The following YPEL2 variants were observed in gnomAD, a reference collection of about 807,000 sequenced individuals.
The protein encoded by YPEL2 is yippee like 2, also known as protein yippee-like 2.
Under a neutral mutation model 19.1 loss-of-function variants are expected in YPEL2, and 2 were observed. The observed-to-expected ratio is 0.10, with a 90% confidence interval of 0.04 to 0.33. The LOEUF (loss-of-function observed/expected upper bound fraction) is 0.33. YPEL2 is among the 10% of genes least tolerant of loss of function. The pLI, the probability that YPEL2 is intolerant of heterozygous loss-of-function variation, is 1.00. For synonymous variants in YPEL2, 52 were observed against 50.0 expected (o/e 1.04, Z -0.17); for missense variants, 66 against 140.7 (o/e 0.47, Z 2.68).
chr17:59,386,645 G>A (rs144065227), intron 2 of YPEL2, among the ~76,000 whole-genome samples: 44 of 152,272 alleles, frequency 2.9e-4, no homozygotes, highest in Admixed American at 8.5e-4. Flanking sequence ...TGGTGTTTGT[G>A]CTCCAGGATT....
At chr17:59,375,801 C>T (rs985624121) in intron 2 of YPEL2, among the ~76,000 whole-genome samples, 1 of 152,184 alleles carries the variant, frequency 6.6e-6, no homozygotes, top group African/African-American at 2.4e-5. Context: ...GGAATCAGAG[C>T]AGAGAAATTT....
chr17:59,371,140 C>T (rs922431489), intron 2 of YPEL2, among the ~76,000 whole-genome samples: 1 of 152,144 alleles, frequency 6.6e-6, no homozygotes, highest in Non-Finnish European at 1.5e-5. Context: ...CCCCAAATAC[C>T]CAGTCTCCTG....
At chr17:59,372,360 T>A (rs893049034) in intron 2 of YPEL2, among the ~76,000 whole-genome samples, 10 of 152,156 alleles carry the variant, frequency 6.6e-5, no homozygotes, top group African/African-American at 2.4e-4. Context: ...CTCCTCTGTT[T>A]CCATGATGCT....
At chr17:59,396,378 T>C (rs2048039387) in intron 4 of YPEL2, among the ~76,000 whole-genome samples, 1 of 152,074 alleles carries the variant, frequency 6.6e-6, no homozygotes, top group South Asian at 2.1e-4. Context: ...ATAAACAAAA[T>C]AGAAATGCAA....
At chr17:59,358,663 A>G (rs1442962564) in intron 2 of YPEL2, among the ~76,000 whole-genome samples, 1 of 151,884 alleles carries the variant, frequency 6.6e-6, no homozygotes, top group African/African-American at 2.4e-5. Context: ...AGGCTGGAGT[A>G]CAGTGGCACA....
At chr17:59,387,419 C>G (rs1441722672) in intron 2 of YPEL2, among the ~76,000 whole-genome samples, 1 of 151,986 alleles carries the variant, frequency 6.6e-6, no homozygotes, top group Non-Finnish European at 1.5e-5. Context: ...CACTCATCTC[C>G]TTGTTTGTTG....
At chr17:59,384,185 T>C (rs1457183730) in intron 2 of YPEL2, among the ~76,000 whole-genome samples, 1 of 152,162 alleles carries the variant, frequency 6.6e-6, no homozygotes, top group Non-Finnish European at 1.5e-5. Context: ...AGTTTATCAG[T>C]TTTTTTCTCT....
chr17:59,388,191 G>A, intron 2 of YPEL2, 136 bp from the exon 3 acceptor site: 3 of 829,120 alleles, frequency 3.6e-6, no homozygotes, highest in Non-Finnish European at 6.3e-6. Context: ...TCTGCCAGCG[G>A]GACCGTTAAC....
At chr17:59,384,367 A>C (rs1055201712) in intron 2 of YPEL2, among the ~76,000 whole-genome samples, 2 of 152,238 alleles carry the variant, frequency 1.3e-5, no homozygotes, top group African/African-American at 4.8e-5. Flanking sequence ...CAGGTACTTT[A>C]CCATAAGTGA....
intron 2 of YPEL2, among the ~76,000 whole-genome samples, chr17:59,387,345 G>T (rs538287982): frequency 6.6e-6 from 1 of 150,544 alleles, no homozygotes; most frequent in Non-Finnish European, 1.5e-5. Flanking sequence ...TGACAAAAAT[G>T]ATTGTCTCGC....
rs143438600 is a variant in YPEL2 at position 59,397,522 on chromosome 17, G to C, written c.*332G>C. On this transcript the variant is annotated 3_prime_UTR_variant, in exon 5 of 5. Coordinates refer to ENST00000312655, the MANE Select transcript of YPEL2 (RefSeq NM_001005404.4). ...CCCAGGGCCCATGCGAGAGCTGCCTGATGGCCTCTTGTCAGGAGAGCAGTG... is the reference window on the plus strand; with the variant it reads ...CCCAGGGCCCATGCGAGAGCTGCCTCATGGCCTCTTGTCAGGAGAGCAGTG... The C allele has an allele frequency of 6.4e-4, 122 of 192,108 alleles. No individual in the cohort carries two copies. The East Asian group carries it at 0.015, about 23-fold the overall frequency. 11.9% of individuals were successfully genotyped at this position (192,108 alleles called of 1,614,324 possible).
intron 2 of YPEL2, among the ~76,000 whole-genome samples, chr17:59,370,985 A>G (rs2047894432): frequency 6.6e-6 from 1 of 151,802 alleles, no homozygotes; most frequent in Non-Finnish European, 1.5e-5. Context: ...GTGTGCCCCC[A>G]CCTTACTAGA....
At chr17:59,374,282 A>G (rs567630783) in intron 2 of YPEL2, among the ~76,000 whole-genome samples, 1 of 152,332 alleles carries the variant, frequency 6.6e-6, no homozygotes, top group South Asian at 2.1e-4. Context: ...CAAGCACCCT[A>G]TGCTCAAATC....
At chr17:59,339,725 C>T (rs1172452743) in intron 1 of YPEL2, among the ~76,000 whole-genome samples, 1 of 151,982 alleles carries the variant, frequency 6.6e-6, no homozygotes, top group African/African-American at 2.4e-5. Context: ...TGGTTTTGGT[C>T]CTCTCTAATT....
At chr17:59,363,504 C>T (rs530084150) in intron 2 of YPEL2, among the ~76,000 whole-genome samples, 4 of 152,072 alleles carry the variant, frequency 2.6e-5, no homozygotes, top group Non-Finnish European at 4.4e-5. Flanking sequence ...GGTGTGGTTT[C>T]ACCATGTTGG....
Position 59,401,130 on chromosome 17 carries a change from A to G in YPEL2, c.*3940A>G, listed in dbSNP as rs2147964937. ...TGGTTTGGATTAAAAGAACATTAAT[A>G]TTATAATACACATATCTTAGTGGTA... On this transcript the variant is annotated 3_prime_UTR_variant, in exon 5 of 5. Coordinates refer to ENST00000312655, the MANE Select transcript of YPEL2 (RefSeq NM_001005404.4). The G allele has an allele frequency of 6.6e-6, 1 of 152,168 alleles. No homozygotes were observed. Among genetic ancestry groups the G allele is most frequent in the Middle Eastern group, 3.4e-3 (1 of 294 alleles). The allele number at this position is 152,168 out of a possible 1,614,324, so 9.4% of individuals were successfully genotyped here. A position where few individuals can be genotyped will look rare whatever the true frequency, so the allele number is the denominator to read the frequency against.
chr17:59,386,942 C>G (rs2047983117), intron 2 of YPEL2, among the ~76,000 whole-genome samples: 1 of 152,070 alleles, frequency 6.6e-6, no homozygotes, highest in African/African-American at 2.4e-5. Context: ...ATCCAGCTGC[C>G]CCAGAGGCAG....
chr17:59,390,306 A>T (rs960326576), intron 4 of YPEL2, among the ~76,000 whole-genome samples: 1 of 152,076 alleles, frequency 6.6e-6, no homozygotes. Flanking sequence ...CTGGCCAACA[A>T]ATTTATTTCT....
At chr17:59,372,598 C>T (rs948594712) in intron 2 of YPEL2, among the ~76,000 whole-genome samples, 1 of 152,220 alleles carries the variant, frequency 6.6e-6, no homozygotes, top group Admixed American at 6.5e-5. Flanking sequence ...AAGGATCCCA[C>T]ACCCTCTCCG....
Sources: gnomAD v4.1 joint callset for allele counts (sites outside exome capture counted in the v4.1 genomes callset) on GRCh38, gnomAD v4.1.1 for gene constraint, MANE v1.5 for transcripts, NCBI Gene and HGNC (gene_info 2026-07-23, HGNC 2026-07-21) for gene names.